DISP1: variants seen among roughly 807,000 people sequenced by gnomAD.
DISP1 encodes protein dispatched homolog 1.
In DISP1, 30 loss-of-function variants were observed where a neutral mutation model predicts 37.3. That is an observed-to-expected ratio of 0.80 (90% confidence interval 0.60 to 1.09). The LOEUF is 1.09. DISP1 is among the 50% of genes least tolerant of loss of function. The pLI, the probability that DISP1 is intolerant of heterozygous loss-of-function variation, is 0.00. For synonymous variants in DISP1, 634 were observed against 690.2 expected, an observed-to-expected ratio of 0.92 and a Z score of 1.28; for missense variants, 1,598 against 1,879.5, an observed-to-expected ratio of 0.85 and a Z score of 2.77.
At chr1:222,838,828 A>T (rs577548577) in intron 1 of DISP1, among the ~76,000 whole-genome samples, 59 of 152,320 alleles carry the variant, frequency 3.9e-4, no homozygotes, top group African/African-American at 1.4e-3. Flanking sequence ...TCATTTTTAT[A>T]GTCTATTATT....
chr1:222,875,830 TAAA>T (rs3028391), intron 1 of DISP1, among the ~76,000 whole-genome samples: 16,482 of 132,374 alleles, frequency 0.12, 1,088 homozygotes, highest in South Asian at 0.17. Flanking sequence ...CACATCTCAA[TAAA>T]AAAAAAAAAA....
intron 1 of DISP1, among the ~76,000 whole-genome samples, chr1:222,896,666 C>T (rs540088221): frequency 6.6e-6 from 1 of 150,404 alleles, no homozygotes; most frequent in East Asian, 1.9e-4. Flanking sequence ...ATTTGTAATA[C>T]AATGTGTGAC....
At chr1:222,827,641 T>C (rs1664753760) in intron 1 of DISP1, 1 of 152,160 alleles carries the variant, frequency 6.6e-6, no homozygotes, top group Admixed American at 6.5e-5. Context: ...TTAATAATCA[T>C]TTTTTATTTC....
chr1:222,994,842 A>G lies in DISP1; in HGVS notation c.890-43A>G, dbSNP rs1232108958. On this transcript the variant is annotated intron_variant, in intron 7 of 8. Coordinates refer to ENST00000675850, the MANE Select transcript of DISP1 (RefSeq NM_001377229.1). ...CTGAGTCTTATGAAATAAATGAATA[A>G]TTTATAAACCTTTTTCTTTCCTTTT... The G allele has an allele frequency of 1.7e-5, 24 of 1,421,354 alleles. 1 individual carries two copies. In the East Asian group the frequency reaches 5.2e-4, roughly 31 times the overall value. The allele number at this position is 1,421,354 out of a possible 1,614,324, so 88.0% of individuals were successfully genotyped here. A position where few individuals can be genotyped will look rare whatever the true frequency, so the allele number is the denominator to read the frequency against.
intron 3 of DISP1, among the ~76,000 whole-genome samples, chr1:222,970,201 TTTCC>T (rs751203303): frequency 0.028 from 4,340 of 152,320 alleles, 78 homozygotes; most frequent in Middle Eastern, 0.068. Context: ...CCTGGCGTTA[TTTCC>T]TACAGTGTGA....
intron 1 of DISP1, among the ~76,000 whole-genome samples, chr1:222,833,179 T>A (rs35131473): frequency 0.11 from 16,505 of 151,520 alleles, 1,270 homozygotes; most frequent in South Asian, 0.16. Flanking sequence ...GCTTCCACAC[T>A]CTGTTTTAGA....
At chr1:222,877,115 T>G (rs1479487396) in intron 1 of DISP1, among the ~76,000 whole-genome samples, 1 of 152,224 alleles carries the variant, frequency 6.6e-6, no homozygotes, top group Non-Finnish European at 1.5e-5. Context: ...GCTTTACCTC[T>G]CTGAGCTTAT....
At chr1:222,975,595 C>G (rs185491487) in intron 3 of DISP1, among the ~76,000 whole-genome samples, 1 of 152,298 alleles carries the variant, frequency 6.6e-6, no homozygotes, top group Admixed American at 6.5e-5. Flanking sequence ...TCCCTTGCCT[C>G]TGTACCCCTA....
At chr1:222,835,643 A>G (rs975301937) in intron 1 of DISP1, among the ~76,000 whole-genome samples, 5 of 152,314 alleles carry the variant, frequency 3.3e-5, no homozygotes, top group African/African-American at 1.2e-4. Context: ...CTTTTAGGCA[A>G]CCTTAACATC....
intron 3 of DISP1, among the ~76,000 whole-genome samples, chr1:222,953,753 A>T (rs1446752209): frequency 6.6e-5 from 10 of 152,236 alleles, no homozygotes; most frequent in Admixed American, 6.5e-4. Context: ...TCAGCTTGGC[A>T]GTCAGACAGA....
rs564279870 is a variant in DISP1, at chr1:222,887,656, G to A, written c.-158-40774G>A. Among the ~76,000 whole-genome samples the A allele has an allele frequency of 3.1e-3, 434 of 138,144 alleles. 39 individuals are homozygous for A. The highest frequency in any genetic ancestry group is 0.011 in the African/African-American group (418 of 37,648). 90.6% of individuals were successfully genotyped at this position (138,144 alleles called of 152,430 possible). A position where few individuals can be genotyped will look rare whatever the true frequency, so the allele number is the denominator to read the frequency against. On this transcript the variant is annotated intron_variant, in intron 1 of 8. Coordinates refer to ENST00000675850, the MANE Select transcript of DISP1 (RefSeq NM_001377229.1). ...TGGGACTACAGGCGCCCGCCACCGC[G>A]CCCGGCTAATTTTTTGTATTTTTAG...
intron 3 of DISP1, among the ~76,000 whole-genome samples, chr1:222,978,250 A>T (rs1677547255): frequency 6.6e-6 from 1 of 151,948 alleles, no homozygotes; most frequent in Non-Finnish European, 1.5e-5. Context: ...TGTGGTTTTG[A>T]TTTGCATTTC....
At chr1:222,881,383 C>T (rs894159077) in intron 1 of DISP1, among the ~76,000 whole-genome samples, 3 of 152,000 alleles carry the variant, frequency 2.0e-5, no homozygotes, top group African/African-American at 2.4e-5. Flanking sequence ...TTAGTAGAGA[C>T]GGAGTTTCTC....
At chr1:222,977,378 A>T (rs1677437227) in intron 3 of DISP1, among the ~76,000 whole-genome samples, 1 of 149,264 alleles carries the variant, frequency 6.7e-6, no homozygotes. Context: ...GGGCTGACAA[A>T]TATTGTTTTA....
intron 1 of DISP1, among the ~76,000 whole-genome samples, chr1:222,823,555 T>C (rs560851818): frequency 2.1e-4 from 32 of 152,266 alleles, no homozygotes; most frequent in African/African-American, 7.7e-4. Flanking sequence ...TGAGAAATTG[T>C]AAATGGGTAC....
rs548253626 is a variant in DISP1 at position 222,990,564 on chromosome 1, C to T, written c.540-61C>T. 3.0e-4 allele frequency: 487 copies of T among 1,612,570 alleles called. 9 individuals carry two copies. In the South Asian group the frequency reaches 4.5e-3, roughly 15 times the overall value. The stretch of plus-strand genomic sequence containing the variant: ...ATTTCTGCGAAGGGCCTTCTTTGTG[C>T]CTTCTTTGTGTTTCTGTAGTTATGC... On this transcript the variant is annotated intron_variant, in intron 4 of 8. Transcript: ENST00000675850.
chr1:222,930,636 T>C (rs1181993449), intron 2 of DISP1, among the ~76,000 whole-genome samples: 1 of 152,100 alleles, frequency 6.6e-6, no homozygotes, highest in Non-Finnish European at 1.5e-5. Context: ...AAAAATGTGA[T>C]TTAATTATTT....
intron 1 of DISP1, among the ~76,000 whole-genome samples, chr1:222,886,721 A>C (rs1199306449): frequency 6.6e-6 from 1 of 152,242 alleles, no homozygotes; most frequent in Non-Finnish European, 1.5e-5. Flanking sequence ...AGAGTGATTC[A>C]AGGCAATCTT....
chr1:222,847,899 T>A (rs1382847633), intron 1 of DISP1, among the ~76,000 whole-genome samples: 1 of 152,224 alleles, frequency 6.6e-6, no homozygotes, highest in Non-Finnish European at 1.5e-5. Flanking sequence ...TTCTCTTTTT[T>A]AATGGCTTTT....
Sources: allele counts gnomAD v4.1 joint callset (sites outside exome capture counted in the v4.1 genomes callset), GRCh38; gene constraint gnomAD v4.1.1; transcripts MANE v1.5; gene names NCBI Gene and HGNC (gene_info 2026-07-23, HGNC 2026-07-21).